Variants in ALPK1 observed in about 807,000 individuals in gnomAD.
ALPK1 encodes the protein alpha-protein kinase 1.
Under a neutral mutation model 120.6 loss-of-function variants are expected in ALPK1, and 110 were observed. The ratio of observed to expected loss-of-function variants is 0.91; its 90% CI spans 0.78 to 1.07. The LOEUF is 1.07. Among genes scored for constraint, ALPK1 ranks in the 50% least tolerant of loss-of-function variants. ALPK1 has a pLI of 0.00. For missense variants in ALPK1, 1,498 were observed against 1,483.9 expected (o/e 1.01, Z -0.16); for synonymous variants, 582 against 560.3 (o/e 1.04, Z -0.55).
chr4:112,356,258 G>A (rs368413001), intron 2 of ALPK1: 7 of 1,350,394 alleles, frequency 5.2e-6, no homozygotes, highest in Non-Finnish European at 7.4e-6. Context: ...GGAGAGCCCC[G>A]CGGGCACAGG....
At chr4:112,396,287 C>T (rs532446620) in intron 4 of ALPK1, among the ~76,000 whole-genome samples, 6 of 152,194 alleles carry the variant, frequency 3.9e-5, no homozygotes, top group African/African-American at 7.2e-5. Context: ...CCATATTTGG[C>T]CATTCTCTAA....
At chr4:112,440,239 C>G (rs925958236) in intron 14 of ALPK1, among the ~76,000 whole-genome samples, 1 of 152,050 alleles carries the variant, frequency 6.6e-6, no homozygotes, top group Admixed American at 6.6e-5. Flanking sequence ...TTCTCCAGCC[C>G]CTTACCCTTA....
chr4:112,430,519 T>C lies in ALPK1; in HGVS notation c.972T>C (p.His324=), dbSNP rs2148762096. 2 of 1,614,092 alleles carry C rather than the reference T, an allele frequency of 1.2e-6. No individual in the cohort carries two copies. The highest frequency in any genetic ancestry group is 1.7e-6 in the Non-Finnish European group (2 of 1,180,008). The change falls in exon 11 of 16, where the codon CAT becomes CAC. Residue 324 remains histidine (H), a synonymous_variant. Coordinates refer to ENST00000650871, the MANE Select transcript of ALPK1 (RefSeq NM_025144.4). The part of the protein sequence containing the change: ...NDCPPELKNL[H]LCEAKEAFEI... ...GTCCTCCAGAATTGAAAAACTTACA[T>C]CTGTGTGAAGCCAAAGAGGCCTTTG...
At chr4:112,381,907 G>A (rs904596545) in intron 3 of ALPK1, among the ~76,000 whole-genome samples, 18 of 152,076 alleles carry the variant, frequency 1.2e-4, no homozygotes, top group Admixed American at 4.6e-4. Flanking sequence ...TGTGTTTTTC[G>A]TAGTTATTTT....
intron 1 of ALPK1, among the ~76,000 whole-genome samples, chr4:112,306,781 G>C (rs950387519): frequency 2.0e-5 from 3 of 151,798 alleles, no homozygotes; most frequent in African/African-American, 7.3e-5. Flanking sequence ...GTTATTTCTT[G>C]CCTTCTGCTA....
At chr4:112,427,352 CAT>C (rs1161887650) in intron 8 of ALPK1, among the ~76,000 whole-genome samples, 3 of 31,024 alleles carry the variant, frequency 9.7e-5, no homozygotes, top group African/African-American at 5.0e-4. Context: ...TTATTATATA[CAT>C]GTTTGATATA....
chr4:112,431,968 C>A lies in ALPK1; in HGVS notation c.2421C>A (p.His807Gln). 10 of 1,614,166 alleles carry A rather than the reference C, an allele frequency of 6.2e-6. No homozygotes were observed. Among genetic ancestry groups the A allele is most frequent in the Non-Finnish European group, 8.5e-6 (10 of 1,180,046 alleles). The change falls in exon 11 of 16, where the codon CAC (histidine) becomes CAA (glutamine). Residue 807 changes from histidine to glutamine, a missense_variant. His to Gln is a conservative substitution (Grantham distance 24). Coordinates refer to ENST00000650871, the MANE Select transcript of ALPK1 (RefSeq NM_025144.4). The stretch of plus-strand genomic sequence containing the variant: ...CCTTAGACTTTCACAGGGTCCTGCA[C>A]AATTCTCTGGGAAACATTTCCATGC... ...DAPLDFHRVLHNSLGNISMLP... is the reference protein window; with the variant it reads ...DAPLDFHRVLQNSLGNISMLP...
At chr4:112,404,330 T>C (rs1733069264) in intron 4 of ALPK1, among the ~76,000 whole-genome samples, 1 of 152,224 alleles carries the variant, frequency 6.6e-6, no homozygotes, top group Non-Finnish European at 1.5e-5. Flanking sequence ...ATTTTTTTCA[T>C]GGTGTTCCAT....
intron 4 of ALPK1, among the ~76,000 whole-genome samples, chr4:112,391,979 A>AC (rs397736212): frequency 2.0e-5 from 3 of 151,488 alleles, no homozygotes; most frequent in African/African-American, 7.3e-5. Context: ...GGAAAAAAAA[A>AC]CAGAATTTGT....
At chr4:112,426,412 C>T (rs1364176466) in intron 7 of ALPK1, 55 bp from the exon 8 acceptor site, 1 of 1,365,158 alleles carries the variant, frequency 7.3e-7, no homozygotes, top group East Asian at 2.3e-5. Flanking sequence ...TACAAGAGCA[C>T]AGATACTAGC....
intron 14 of ALPK1, among the ~76,000 whole-genome samples, chr4:112,440,189 A>T (rs962079751): frequency 2.0e-5 from 3 of 151,856 alleles, no homozygotes; most frequent in Admixed American, 6.6e-5. Flanking sequence ...ATTTCGTTGC[A>T]TTTTTTTCAC....
intron 4 of ALPK1, among the ~76,000 whole-genome samples, chr4:112,407,946 A>G (rs561600440): frequency 4.2e-4 from 64 of 152,176 alleles, no homozygotes; most frequent in African/African-American, 1.2e-3. Flanking sequence ...TCTCTACTAA[A>G]AAATACAAAA....
At chr4:112,364,920 G>A (rs952877502) in intron 2 of ALPK1, among the ~76,000 whole-genome samples, 2 of 152,124 alleles carry the variant, frequency 1.3e-5, no homozygotes, top group Non-Finnish European at 2.9e-5. Context: ...GTCAATAAAT[G>A]TGATACACCA....
chr4:112,335,521 C>A (rs1310024298), intron 2 of ALPK1, among the ~76,000 whole-genome samples: 1 of 152,084 alleles, frequency 6.6e-6, no homozygotes, highest in Non-Finnish European at 1.5e-5. Context: ...TAGAAATGAA[C>A]AAGCTCACTG....
At chr4:112,329,874 G>T (rs1356189749) in intron 2 of ALPK1, among the ~76,000 whole-genome samples, 1 of 152,192 alleles carries the variant, frequency 6.6e-6, no homozygotes, top group Non-Finnish European at 1.5e-5. Context: ...AATAAATACT[G>T]GTCGAATGAA....
chr4:112,324,117 G>A (rs985423237), intron 2 of ALPK1, among the ~76,000 whole-genome samples: 1 of 152,146 alleles, frequency 6.6e-6, no homozygotes, highest in African/African-American at 2.4e-5. Flanking sequence ...CACGAGGTCA[G>A]GAGATCGAGA....
rs765481059 is a variant in ALPK1, at chr4:112,431,191, C to T, written c.1644C>T (p.Ser548=). ...CCCATTCTGATGCATTTCGAGTCTCCTTGGATCAAGATGTGGAGACTGAGA... is the reference window on the plus strand; with the variant it reads ...CCCATTCTGATGCATTTCGAGTCTCTTTGGATCAAGATGTGGAGACTGAGA... The part of the protein sequence containing the change: ...NWTHSDAFRV[S]LDQDVETETE... Residue 548 remains serine, a synonymous_variant, in exon 11 of 16, where the codon TCC becomes TCT. Coordinates refer to ENST00000650871, the MANE Select transcript of ALPK1 (RefSeq NM_025144.4). 6.2e-7 allele frequency: 1 copy of T among 1,614,002 alleles called. No individual in the cohort carries two copies. Among genetic ancestry groups the T allele is most frequent in the Non-Finnish European group, 8.5e-7 (1 of 1,180,034 alleles).
At position 112,304,890 on chromosome 4, in the gene ALPK1, G is replaced by A. The variant is rs568322560; in HGVS notation, c.-153+7421G>A. On this transcript the variant is annotated intron_variant, in intron 1 of 15. Coordinates refer to ENST00000650871, the MANE Select transcript of ALPK1 (RefSeq NM_025144.4). ...GGGTTTTTATGGATTTAGGTCTAAC[G>A]TTTAAGTCTTTAATCCATCTTGAAT... Among the ~76,000 whole-genome samples the A allele has an allele frequency of 2.9e-3, 435 of 152,150 alleles. 5 individuals are homozygous for A. The highest frequency in any genetic ancestry group is 8.6e-3 in the African/African-American group (358 of 41,448).
intron 4 of ALPK1, among the ~76,000 whole-genome samples, chr4:112,402,031 C>T (rs961922343): frequency 3.9e-5 from 6 of 152,164 alleles, no homozygotes; most frequent in African/African-American, 1.2e-4. Context: ...TGACTTGAGT[C>T]CACCAGTTTG....
Sources: gnomAD v4.1 joint callset for allele counts (sites outside exome capture counted in the v4.1 genomes callset) on GRCh38, gnomAD v4.1.1 for gene constraint, MANE v1.5 for transcripts, NCBI Gene and HGNC (gene_info 2026-07-23, HGNC 2026-07-21) for gene names.